Variants in FNBP4 observed in about 807,000 individuals in gnomAD.
The protein encoded by FNBP4 is formin binding protein 4, also known as formin-binding protein 4.
FNBP4 carries 34 observed loss-of-function variants against 119.3 expected under a neutral mutation model. The ratio of observed to expected loss-of-function variants is 0.28; its 90% CI spans 0.22 to 0.38. The LOEUF (loss-of-function observed/expected upper bound fraction) is 0.38. Among genes scored for constraint, FNBP4 ranks in the 10% least tolerant of loss-of-function variants. The pLI is 1.00. For synonymous variants in FNBP4, 462 were observed against 430.6 expected, an observed-to-expected ratio of 1.07 and a Z score of -0.90; for missense variants, 1,112 against 1,228.9, an observed-to-expected ratio of 0.90 and a Z score of 1.42.
At position 47,716,811 on chromosome 11, in the gene FNBP4, A is replaced by C. The variant is rs1206244027; in HGVS notation, c.*611T>G. The C allele has an allele frequency of 6.6e-6, 1 of 152,546 alleles. No individual in the cohort carries two copies. The highest frequency in any genetic ancestry group is 1.9e-4 in the East Asian group (1 of 5,200). The allele number at this position is 152,546 out of a possible 1,614,324, so 9.4% of individuals were successfully genotyped here. A position where few individuals can be genotyped will look rare whatever the true frequency, so the allele number is the denominator to read the frequency against. ...TGTTGTATTTACTGCCACATACTTG[A>C]GGGGAAATTCTCAAAATCAAGGATA... is the stretch of plus-strand genomic sequence containing the variant. On this transcript the variant is annotated 3_prime_UTR_variant, in exon 17 of 17. Transcript: ENST00000263773.
At position 47,750,930 on chromosome 11, in the gene FNBP4, G is replaced by A. The variant is rs1193281501; in HGVS notation, c.892C>T (p.Arg298Ter). ...TCGACACTGACCTTTTTAACTTCTC[G>A]CTTGGCTATGACTGGTCCACTTTTA... Reference protein sequence around the residue: ...SSKSGPVIAKREVKKEVNEGI... With the variant: ...SSKSGPVIAK The change falls in exon 6 of 17, where the codon CGA (arginine) becomes TGA (stop). Residue 298 changes from arginine to a stop codon, truncating the protein, a stop_gained. Transcript: ENST00000263773. LOFTEE classifies it high-confidence loss of function. The A allele has an allele frequency of 1.2e-6, 2 of 1,613,462 alleles. No homozygotes were observed. The highest frequency in any genetic ancestry group is 2.7e-5 in the African/African-American group (2 of 74,786).
In FNBP4 at chr11:47,753,007, TG is replaced by T; in HGVS notation, c.545del (p.Ala182GlufsTer60). 6.2e-7 allele frequency: 1 copy of T among 1,614,168 alleles called. No individual in the cohort carries two copies. The highest frequency in any genetic ancestry group is 8.5e-7 in the Non-Finnish European group (1 of 1,180,026). ...AAGTAGAAGAAGAAAGGGTAGATGT[TG>T]CTGCTTCCTTTGGCTCTGGTCGAGG... ...TPPRPEPKEA[A>X]TSTLSSSTSN... On this transcript the variant is annotated frameshift_variant, in exon 4 of 17. Transcript: ENST00000263773. LOFTEE classifies it high-confidence loss of function.
chr11:47,733,988 A>T (rs976213012), intron 10 of FNBP4, 37 bp downstream of exon 10: 1 of 1,081,624 alleles, frequency 9.2e-7, no homozygotes. Flanking sequence ...TCAAACACTT[A>T]ACTGTTTATG....
In FNBP4 at chr11:47,721,915, T is replaced by TAA. The variant is rs66522425; in HGVS notation, c.2805+1059_2805+1060dup. On this transcript the variant is annotated intron_variant, in intron 15 of 16. Coordinates refer to ENST00000263773, the MANE Select transcript of FNBP4 (RefSeq NM_015308.5). ...AGATGCAGCATTCCTATCAAATGAT[T>TAA]AAAAAAAAAAAAAAAGCTAAAAAAT... is the stretch of plus-strand genomic sequence containing the variant. Among the ~76,000 whole-genome samples the TAA allele has an allele frequency of 8.9e-4, 93 of 104,538 alleles. 1 individual carries two copies. Among genetic ancestry groups the TAA allele is most frequent in the African/African-American group, 2.2e-3 (60 of 27,066 alleles). The allele number at this position is 104,538 out of a possible 152,430, so 68.6% of individuals were successfully genotyped here. A position where few individuals can be genotyped will look rare whatever the true frequency, so the allele number is the denominator to read the frequency against.
chr11:47,731,221 T>C (rs1325780295), intron 12 of FNBP4, 153 bp downstream of exon 12: 6 of 664,654 alleles, frequency 9.0e-6, no homozygotes, highest in Non-Finnish European at 1.2e-5. Context: ...TTTCCAACCA[T>C]AATAACTCAT....
intron 3 of FNBP4, 70 bp from the exon 4 acceptor site, chr11:47,753,172 AC>A (rs2097607741): frequency 7.5e-7 from 1 of 1,329,888 alleles, no homozygotes; most frequent in Non-Finnish European, 1.0e-6. Context: ...AATGGCAATC[AC>A]TTTTTAAAAA....
At chr11:47,753,442 C>A (rs1599242729) in intron 3 of FNBP4, among the ~76,000 whole-genome samples, 1 of 152,106 alleles carries the variant, frequency 6.6e-6, no homozygotes, top group Non-Finnish European at 1.5e-5. Context: ...GAAAACTTGT[C>A]TCTACTAAAA....
chr11:47,726,414 T>A (rs1280022351), intron 12 of FNBP4: 5 of 66,996 alleles, frequency 7.5e-5, no homozygotes, highest in South Asian at 8.9e-4. Context: ...TTAATTTTTT[T>A]TTTTTTTTTT....
At chr11:47,731,945 C>G (rs1437100029) in intron 11 of FNBP4, 1 of 1,001,670 alleles carries the variant, frequency 1.0e-6, no homozygotes, top group Non-Finnish European at 1.2e-6. Context: ...TGAAAGGTGA[C>G]TCTTCCCCTC....
chr11:47,741,876 T>G (rs911384956), intron 8 of FNBP4, among the ~76,000 whole-genome samples: 1 of 152,136 alleles, frequency 6.6e-6, no homozygotes, highest in Admixed American at 6.5e-5. Flanking sequence ...TAATGGACAT[T>G]TGAGTGCTCT....
rs780055192 is a variant in FNBP4, at chr11:47,753,010, T to G, written c.543A>C (p.Ala181=). Residue 181 remains alanine, a synonymous_variant, in exon 4 of 17, where the codon GCA becomes GCC. Coordinates refer to ENST00000263773, the MANE Select transcript of FNBP4 (RefSeq NM_015308.5). ...TAGAAGAAGAAAGGGTAGATGTTGC[T>G]GCTTCCTTTGGCTCTGGTCGAGGTG... ...PTPPRPEPKE[A]ATSTLSSSTS... is the part of the protein sequence containing the mutation. 2.1e-5 allele frequency: 34 copies of G among 1,614,070 alleles called. No individual in the cohort carries two copies. The African/African-American group carries it at 3.6e-4, about 17-fold the overall frequency.
rs539068730 is a variant in FNBP4 at position 47,754,800 on chromosome 11, G to T, written c.314-136C>A. ...CATAACCGCAAAACTAATAATCACTGAACTACCACAGAAGAATAAATTACA... is the reference window on the plus strand; with the variant it reads ...CATAACCGCAAAACTAATAATCACTTAACTACCACAGAAGAATAAATTACA... On this transcript the variant is annotated intron_variant, in intron 2 of 16. Coordinates refer to ENST00000263773, the MANE Select transcript of FNBP4 (RefSeq NM_015308.5). 7 of 870,078 alleles carry T rather than the reference G, an allele frequency of 8.0e-6. No homozygotes were observed. In the South Asian group the frequency reaches 8.9e-5, roughly 11 times the overall value. 53.9% of individuals were successfully genotyped at this position (870,078 alleles called of 1,614,324 possible). A position where few individuals can be genotyped will look rare whatever the true frequency, so the allele number is the denominator to read the frequency against.
At position 47,767,331 on chromosome 11, in the gene FNBP4, G is replaced by T. The variant is rs1040594505; in HGVS notation, c.-43C>A. 7.0e-7 allele frequency: 1 copy of T among 1,433,956 alleles called. No homozygotes were observed. The highest frequency in any genetic ancestry group is 2.8e-5 in the East Asian group (1 of 35,864). 88.8% of individuals were successfully genotyped at this position (1,433,956 alleles called of 1,614,324 possible). A position where few individuals can be genotyped will look rare whatever the true frequency, so the allele number is the denominator to read the frequency against. On this transcript the variant is annotated 5_prime_UTR_variant, in exon 1 of 17. Transcript: ENST00000263773. Reference sequence around the variant, plus strand: ...GCAGAGAGCGTCGGGCGGCCGAGAGGGGCGGGCACTGGAGGCTGGGCGCTG... The same window carrying T: ...GCAGAGAGCGTCGGGCGGCCGAGAGTGGCGGGCACTGGAGGCTGGGCGCTG...
At chr11:47,762,455 G>T (rs1428898442) in intron 2 of FNBP4, among the ~76,000 whole-genome samples, 1 of 151,798 alleles carries the variant, frequency 6.6e-6, no homozygotes, top group Non-Finnish European at 1.5e-5. Context: ...TTGACACAGG[G>T]TCTCATTCTG....
At chr11:47,745,093 T>A (rs538127789) in intron 7 of FNBP4, among the ~76,000 whole-genome samples, 1 of 152,216 alleles carries the variant, frequency 6.6e-6, no homozygotes, top group South Asian at 2.1e-4. Context: ...GTACATCACC[T>A]CAGGACCACT....
chr11:47,724,168 G>A lies in FNBP4; in HGVS notation c.2324C>T (p.Ser775Leu), dbSNP rs2097558607. 1 of 1,613,830 alleles carries A rather than the reference G, an allele frequency of 6.2e-7. No homozygotes were observed. Among genetic ancestry groups the A allele is most frequent in the South Asian group, 1.1e-5 (1 of 91,040 alleles). ...AGAACTAGAGATGGTGGAATCAACTGAACTCTGAAACACAAACATTTGTTA... is the reference window on the plus strand; with the variant it reads ...AGAACTAGAGATGGTGGAATCAACTAAACTCTGAAACACAAACATTTGTTA... ...AQTTVVTSQS[S>L]VDSTISSSSS... Residue 775 changes from serine to leucine, a missense_variant, in exon 14 of 17, where the codon TCA (serine) becomes TTA (leucine). By Grantham distance (145) the Ser-to-Leu change is moderately radical (BLOSUM62 -2). Coordinates refer to ENST00000263773, the MANE Select transcript of FNBP4 (RefSeq NM_015308.5).
Position 47,742,477 on chromosome 11 carries a change from C to CAAAA in FNBP4, c.1456+1472_1456+1475dup, listed in dbSNP as rs568784009. Among the ~76,000 whole-genome samples the CAAAA allele has an allele frequency of 2.6e-3, 61 of 23,762 alleles. 10 individuals carry two copies. The highest frequency in any genetic ancestry group is 3.3e-3 in the Non-Finnish European group (45 of 13,786). The allele number at this position is 23,762 out of a possible 152,430, so 15.6% of individuals were successfully genotyped here. ...TGGGGGACAGAGCAAGACTCCGTCT[C>CAAAA]AAAAAAAAAAAAAAAAAAAAAAAAA... On this transcript the variant is annotated intron_variant, in intron 8 of 16. Transcript: ENST00000263773.
intron 9 of FNBP4, among the ~76,000 whole-genome samples, chr11:47,735,878 G>C (rs539655829): frequency 7.7e-4 from 116 of 151,346 alleles, no homozygotes; most frequent in Non-Finnish European, 1.4e-3. Flanking sequence ...AGGAGATCGA[G>C]ACCATCCTGG....
intron 11 of FNBP4, 143 bp from the exon 12 acceptor site, chr11:47,731,704 C>T: frequency 7.1e-7 from 1 of 1,406,044 alleles, no homozygotes; most frequent in Non-Finnish European, 9.2e-7. Flanking sequence ...CAACAAAGAG[C>T]TTTGACAATT....
Sources: gnomAD v4.1 joint callset for allele counts (sites outside exome capture counted in the v4.1 genomes callset) on GRCh38, gnomAD v4.1.1 for gene constraint, MANE v1.5 for transcripts, NCBI Gene and HGNC (gene_info 2026-07-23, HGNC 2026-07-21) for gene names.